The following MSRA variants were observed in gnomAD, a reference collection of about 807,000 sequenced individuals.
The protein encoded by MSRA is methionine sulfoxide reductase A, also known as mitochondrial peptide methionine sulfoxide reductase.
In MSRA, 54 loss-of-function variants were observed where a neutral mutation model predicts 31.3. The ratio of observed to expected loss-of-function variants is 1.73; its 90% CI spans 1.39 to 2.17. The LOEUF is 2.17. Ranked by LOEUF, MSRA falls within the 30% of genes most tolerant of loss-of-function variation. The pLI, the probability that MSRA is intolerant of heterozygous loss-of-function variation, is 0.00. For synonymous variants in MSRA, 169 were observed against 116.5 expected (o/e 1.45, Z -2.90); for missense variants, 507 against 300.9 (o/e 1.69, Z -5.07).
chr8:10,366,806 A>G (rs1274589681), intron 5 of MSRA, among the ~76,000 whole-genome samples: 1 of 152,102 alleles, frequency 6.6e-6, no homozygotes, highest in African/African-American at 2.4e-5. Context: ...TGAGTGAATC[A>G]GTAAATTGCT....
chr8:10,229,877 G>C (rs1016959614), intron 2 of MSRA, among the ~76,000 whole-genome samples: 1 of 152,114 alleles, frequency 6.6e-6, no homozygotes, highest in Non-Finnish European at 1.5e-5. Flanking sequence ...TTTTCTTTCT[G>C]TGTTTGACTC....
intron 4 of MSRA, among the ~76,000 whole-genome samples, chr8:10,307,616 G>A (rs1801210874): frequency 6.6e-6 from 1 of 152,188 alleles, no homozygotes; most frequent in Non-Finnish European, 1.5e-5. Context: ...TGTACTTCTG[G>A]AAAAGGGAAC....
chr8:10,149,652 C>T (rs1174324909), intron 1 of MSRA, among the ~76,000 whole-genome samples: 5 of 151,908 alleles, frequency 3.3e-5, no homozygotes, highest in Admixed American at 1.3e-4. Flanking sequence ...TACCTTCTGT[C>T]TGTGGACAGT....
intron 1 of MSRA, among the ~76,000 whole-genome samples, chr8:10,084,719 T>G (rs1798467317): frequency 6.6e-6 from 1 of 152,206 alleles, no homozygotes; most frequent in African/African-American, 2.4e-5. Flanking sequence ...GGAGAAGCGT[T>G]TAGAACACTG....
chr8:10,363,729 A>T (rs1255160123), intron 5 of MSRA, among the ~76,000 whole-genome samples: 1 of 35,592 alleles, frequency 2.8e-5, no homozygotes, highest in Non-Finnish European at 8.2e-5. Flanking sequence ...ACCAAGCAAG[A>T]TGCAGTCACC....
At chr8:10,223,060 G>T (rs1403674467) in intron 2 of MSRA, among the ~76,000 whole-genome samples, 1 of 152,140 alleles carries the variant, frequency 6.6e-6, no homozygotes, top group African/African-American at 2.4e-5. Context: ...AATACATCAC[G>T]TTTTACACCA....
chr8:10,308,436 C>T (rs866021176), intron 4 of MSRA, among the ~76,000 whole-genome samples: 5 of 152,216 alleles, frequency 3.3e-5, no homozygotes, highest in Admixed American at 6.5e-5. Context: ...CACTTGACCA[C>T]GTAGGTCCTC....
At chr8:10,252,733 C>A (rs1357275407) in intron 3 of MSRA, among the ~76,000 whole-genome samples, 1 of 152,310 alleles carries the variant, frequency 6.6e-6, no homozygotes, top group East Asian at 1.9e-4. Flanking sequence ...GCAGACCTTA[C>A]ATATAATAAG....
intron 5 of MSRA, among the ~76,000 whole-genome samples, chr8:10,385,814 GGGT>G (rs1345730478): frequency 4.7e-5 from 7 of 150,268 alleles, no homozygotes; most frequent in Non-Finnish European, 7.4e-5. Flanking sequence ...GTGGGGGGTG[GGGT>G]GTCTTCCTAA....
chr8:10,417,773 TGTGTGTCTGTGTACACGCAC>T (rs1375833856), intron 5 of MSRA, among the ~76,000 whole-genome samples: 3 of 151,180 alleles, frequency 2.0e-5, no homozygotes, highest in Non-Finnish European at 4.4e-5. Context: ...TGTGTGTGTG[TGTGTGTCTGTGTACACGCAC>T]GTGTGCACAC....
At chr8:10,387,328 T>A (rs1293674864) in intron 5 of MSRA, among the ~76,000 whole-genome samples, 1 of 152,204 alleles carries the variant, frequency 6.6e-6, no homozygotes, top group African/African-American at 2.4e-5. Flanking sequence ...AAGGGAATTT[T>A]TTTCCCCCTT....
chr8:10,174,453 T>C (rs1042436039), intron 1 of MSRA, among the ~76,000 whole-genome samples: 9 of 152,140 alleles, frequency 5.9e-5, no homozygotes, highest in Non-Finnish European at 1.0e-4. Flanking sequence ...CCCTTCTGTC[T>C]TGGGTCTTGT....
chr8:10,071,038 T>G (rs956801786), intron 1 of MSRA, among the ~76,000 whole-genome samples: 3 of 152,212 alleles, frequency 2.0e-5, no homozygotes, highest in Non-Finnish European at 4.4e-5. Context: ...GCTGGGCACT[T>G]ACATGTGATA....
chr8:10,284,767 C>G (rs966599884), intron 3 of MSRA, among the ~76,000 whole-genome samples: 1 of 152,066 alleles, frequency 6.6e-6, no homozygotes, highest in South Asian at 2.1e-4. Context: ...CCTCTCTGTG[C>G]CTAACTGTCC....
chr8:10,259,947 T>A (rs771551940), intron 3 of MSRA, among the ~76,000 whole-genome samples: 5 of 152,226 alleles, frequency 3.3e-5, no homozygotes, highest in Admixed American at 6.5e-5. Flanking sequence ...ACAGTCCTGA[T>A]TTGGCACAGG....
intron 3 of MSRA, among the ~76,000 whole-genome samples, chr8:10,263,055 G>A (rs1798563269): frequency 6.6e-6 from 1 of 152,180 alleles, no homozygotes; most frequent in South Asian, 2.1e-4. Context: ...TTTGTGTACC[G>A]GCTTGGCCTT....
chr8:10,414,803 C>G (rs908964694), intron 5 of MSRA, among the ~76,000 whole-genome samples: 1 of 152,172 alleles, frequency 6.6e-6, no homozygotes, highest in East Asian at 1.9e-4. Flanking sequence ...TCTTTGTGTA[C>G]TAAATGCTAA....
intron 1 of MSRA, among the ~76,000 whole-genome samples, chr8:10,143,376 G>A (rs1036976964): frequency 1.3e-5 from 2 of 152,094 alleles, no homozygotes; most frequent in African/African-American, 4.8e-5. Context: ...GTCCCTTCAC[G>A]GAGTAATTTG....
chr8:10,234,048 C>G (rs890651071), intron 2 of MSRA, among the ~76,000 whole-genome samples: 2 of 151,894 alleles, frequency 1.3e-5, no homozygotes, highest in African/African-American at 4.8e-5. Flanking sequence ...AAATGTATAC[C>G]CAGCTAAACT....
Sources: allele counts gnomAD v4.1 joint callset (sites outside exome capture counted in the v4.1 genomes callset), GRCh38; gene constraint gnomAD v4.1.1; transcripts MANE v1.5; gene names NCBI Gene and HGNC (gene_info 2026-07-23, HGNC 2026-07-21).